The following ZNF786 variants were observed in gnomAD, a reference collection of about 807,000 sequenced individuals.
ZNF786 encodes the protein zinc finger protein 786.
Under a neutral mutation model 63.1 loss-of-function variants are expected in ZNF786, and 56 were observed. The ratio of observed to expected loss-of-function variants is 0.89; its 90% confidence interval spans 0.72 to 1.11. The LOEUF is 1.11. Among genes scored for constraint, ZNF786 ranks in the 50% least tolerant of loss-of-function variants. The pLI, the probability that ZNF786 is intolerant of heterozygous loss-of-function variation, is 0.00. For missense variants in ZNF786, 1,213 were observed against 1,041.8 expected (o/e 1.16, Z -2.26); for synonymous variants, 485 against 406.9 (o/e 1.19, Z -2.31).
intron 2 of ZNF786, among the ~76,000 whole-genome samples, chr7:149,078,295 T>G (rs1192319114): frequency 6.6e-6 from 1 of 152,218 alleles, no homozygotes; most frequent in Non-Finnish European, 1.5e-5. Context: ...CTCTATAGAT[T>G]CATTTACTGT....
chr7:149,081,958 A>G (rs1428321900), intron 1 of ZNF786, among the ~76,000 whole-genome samples: 1 of 152,234 alleles, frequency 6.6e-6, no homozygotes, highest in African/African-American at 2.4e-5. Context: ...CTATACACCA[A>G]CAGCGACCAA....
At chr7:149,085,815 T>C (rs1488417265) in intron 1 of ZNF786, among the ~76,000 whole-genome samples, 1 of 152,216 alleles carries the variant, frequency 6.6e-6, no homozygotes, top group African/African-American at 2.4e-5. Flanking sequence ...CCTCCTTGGT[T>C]AGCTGTATTC....
intron 3 of ZNF786, among the ~76,000 whole-genome samples, chr7:149,073,291 C>T (rs1486491817): frequency 6.6e-6 from 1 of 152,200 alleles, no homozygotes; most frequent in Non-Finnish European, 1.5e-5. Flanking sequence ...CTCAGACTCT[C>T]TCCTCATGAC....
intron 1 of ZNF786, among the ~76,000 whole-genome samples, chr7:149,081,425 G>C (rs1825650561): frequency 9.6e-6 from 1 of 104,284 alleles, no homozygotes; most frequent in African/African-American, 3.9e-5. Context: ...GACAGAGCAA[G>C]ACTCGGTCTC....
Position 149,071,029 on chromosome 7 carries a change from C to T in ZNF786, c.1743G>A (p.Thr581=). The T allele has an allele frequency of 1.2e-6, 2 of 1,611,786 alleles. No individual in the cohort carries two copies. The highest frequency in any genetic ancestry group is 1.1e-5 in the South Asian group (1 of 91,030). ...CCCCGCTGTGCACGCGCAAGTGCTC[C>T]GTGAGCTTGGATTGTCTGGTGAAGC... The part of the protein sequence containing the change: ...GKGFTRQSKL[T]EHLRVHSGER... Residue 581 remains threonine (T), a synonymous_variant, in exon 4 of 4, where the codon ACG becomes ACA. Transcript: ENST00000491431.
chr7:149,074,646 T>TAAA, intron 2 of ZNF786, 108 bp from the exon 3 acceptor site: 1 of 1,079,170 alleles, frequency 9.3e-7, no homozygotes, highest in Non-Finnish European at 1.2e-6. Context: ...GAACAACATG[T>TAAA]CAAAAAAAAA....
intron 3 of ZNF786, among the ~76,000 whole-genome samples, chr7:149,074,115 T>G (rs1448581327): frequency 6.6e-6 from 1 of 151,880 alleles, no homozygotes; most frequent in African/African-American, 2.4e-5. Flanking sequence ...TATTAACCAA[T>G]TCAATCCTGT....
chr7:149,080,165 A>G (rs190637728), intron 2 of ZNF786, among the ~76,000 whole-genome samples: 1 of 152,152 alleles, frequency 6.6e-6, no homozygotes, highest in African/African-American at 2.4e-5. Context: ...TCTCAAAAAA[A>G]CAAACACTTC....
intron 2 of ZNF786, among the ~76,000 whole-genome samples, chr7:149,075,699 T>G (rs1825535915): frequency 1.0e-5 from 1 of 99,884 alleles, no homozygotes; most frequent in Non-Finnish European, 2.0e-5. Context: ...AGTCTCACTG[T>G]GTCTCCCAGG....
In ZNF786 at chr7:149,071,636, G is replaced by C. The variant is rs775608140; in HGVS notation, c.1136C>G (p.Pro379Arg). ...CSCSECGERSPMSARLASPCR... is the reference protein window; with the variant it reads ...CSCSECGERSRMSARLASPCR... ...GGGGCTGGCGAGCCTGGCGCTCATA[G>C]GGGAGCGCTCGCCACACTCCGAGCA... is the stretch of plus-strand genomic sequence containing the variant. Residue 379 changes from proline to arginine, a missense_variant, in exon 4 of 4, where the codon CCT becomes CGT. Coordinates refer to ENST00000491431, the MANE Select transcript of ZNF786 (RefSeq NM_152411.4). 1.3e-6 allele frequency: 2 copies of C among 1,580,610 alleles called. No individual in the cohort carries two copies. The highest frequency in any genetic ancestry group is 1.7e-6 in the Non-Finnish European group (2 of 1,167,192).
At chr7:149,081,161 G>C (rs922777342) in intron 1 of ZNF786, 6 of 456,258 alleles carry the variant, frequency 1.3e-5, no homozygotes, top group Non-Finnish European at 2.6e-5. Context: ...TATTCAGCCA[G>C]GCGCAGTGGG....
chr7:149,072,443 G>A lies in ZNF786; in HGVS notation c.329C>T (p.Thr110Ile), dbSNP rs536006552. ...GSQQAMNSGK[T>I]KSHFQLDPES... The stretch of plus-strand genomic sequence containing the variant: ...AGGATCTAATTGGAAATGGCTTTTA[G>A]TTTTTCCTGAATTCATAGCCTGCTG... Residue 110 changes from threonine (T) to isoleucine (I), a missense_variant, in exon 4 of 4, where the codon ACT becomes ATT. Transcript: ENST00000491431. 6.2e-7 allele frequency: 1 copy of A among 1,600,062 alleles called. No individual in the cohort carries two copies. Among genetic ancestry groups the A allele is most frequent in the South Asian group, 1.1e-5 (1 of 89,064 alleles).
At chr7:149,086,712 G>T (rs949590918) in intron 1 of ZNF786, among the ~76,000 whole-genome samples, 1 of 151,984 alleles carries the variant, frequency 6.6e-6, no homozygotes. Flanking sequence ...CAAGACAGAA[G>T]GGGGGATGTC....
At chr7:149,075,254 A>G (rs1010188518) in intron 2 of ZNF786, among the ~76,000 whole-genome samples, 3 of 152,144 alleles carry the variant, frequency 2.0e-5, no homozygotes, top group Non-Finnish European at 2.9e-5. Context: ...TATTATTACT[A>G]TTGTTTTAGA....
intron 2 of ZNF786, among the ~76,000 whole-genome samples, chr7:149,075,540 T>G (rs1278575136): frequency 2.6e-5 from 4 of 151,634 alleles, no homozygotes; most frequent in Admixed American, 1.3e-4. Context: ...CCACCGCACC[T>G]GGCCAGTGGT....
In ZNF786 at chr7:149,074,346, T is replaced by C. The variant is rs775057739; in HGVS notation, c.298+40A>G. ...CAGAGAAGAGAAACAAATCTGAACA[T>C]GATGTCTCAAGGTCGGGGCCCTGAT... is the stretch of plus-strand genomic sequence containing the variant. On this transcript the variant is annotated intron_variant, in intron 3 of 3. Transcript: ENST00000491431. 5 of 1,606,822 alleles carry C rather than the reference T, an allele frequency of 3.1e-6. No homozygotes were observed. In the Admixed American group the frequency reaches 6.8e-5, roughly 22 times the overall value.
chr7:149,073,737 GTGTGTGTGTGTATA>G (rs1825481029), intron 3 of ZNF786, among the ~76,000 whole-genome samples: 3 of 67,798 alleles, frequency 4.4e-5, no homozygotes, highest in African/African-American at 1.9e-4. Flanking sequence ...GTGTGTGTGT[GTGTGTGTGTGTATA>G]TATATATATA....
At chr7:149,077,911 G>A (rs1441535701) in intron 2 of ZNF786, among the ~76,000 whole-genome samples, 4 of 148,002 alleles carry the variant, frequency 2.7e-5, no homozygotes, top group Non-Finnish European at 5.9e-5. Context: ...TGCCCAGGTT[G>A]GAGTGCAATG....
intron 2 of ZNF786, among the ~76,000 whole-genome samples, chr7:149,075,967 T>G (rs1825540738): frequency 6.6e-6 from 1 of 151,910 alleles, no homozygotes; most frequent in Admixed American, 6.6e-5. Flanking sequence ...CCAGTCTACT[T>G]CAGGTTTTTT....
Sources: gnomAD v4.1 joint callset for allele counts (sites outside exome capture counted in the v4.1 genomes callset) on GRCh38, gnomAD v4.1.1 for gene constraint, MANE v1.5 for transcripts, NCBI Gene and HGNC (gene_info 2026-07-23, HGNC 2026-07-21) for gene names.